Variants in CLSTN1 observed in about 807,000 individuals in gnomAD.
CLSTN1 encodes calsyntenin 1, also known as calsyntenin-1.
A neutral mutation model predicts 108.3 loss-of-function variants in CLSTN1; 28 were observed. The observed-to-expected ratio is 0.26, with a 90% CI of 0.19 to 0.35. The LOEUF is 0.35. Ranked by LOEUF, CLSTN1 falls within the 10% of genes least tolerant of loss-of-function variation. The pLI is 1.00. For synonymous variants in CLSTN1, 524 were observed against 534.9 expected (o/e 0.98, Z 0.28); for missense variants, 1,157 against 1,302.6 (o/e 0.89, Z 1.72).
rs775430059 is a variant in CLSTN1 at position 9,750,715 on chromosome 1, C to CA, written c.649+757dup. Among the ~76,000 whole-genome samples the CA allele has an allele frequency of 8.0e-3, 616 of 77,152 alleles. 7 individuals carry two copies. Among genetic ancestry groups the CA allele is most frequent in the Middle Eastern group, 0.018 (2 of 114 alleles). The allele number at this position is 77,152 out of a possible 152,430, so 50.6% of individuals were successfully genotyped here. ...CGACAGAGCAAGACCTTCCCTCAAA[C>CA]AAAAAAAAAAAAAAAAAAGATGTCA... On this transcript the variant is annotated intron_variant, in intron 5 of 18. Transcript: ENST00000377298.
At chr1:9,772,698 T>G (rs2101159925) in intron 2 of CLSTN1, among the ~76,000 whole-genome samples, 1 of 152,316 alleles carries the variant, frequency 6.6e-6, no homozygotes, top group South Asian at 2.1e-4. Context: ...TGCTACAGGT[T>G]TGTCTCTATA....
chr1:9,806,243 T>C (rs1448386822), intron 1 of CLSTN1, among the ~76,000 whole-genome samples: 1 of 151,918 alleles, frequency 6.6e-6, no homozygotes, highest in Non-Finnish European at 1.5e-5. Context: ...GGGGGGAGGT[T>C]GCAGTGAGCT....
At chr1:9,759,438 G>T (rs1419116307) in intron 2 of CLSTN1, among the ~76,000 whole-genome samples, 1 of 152,108 alleles carries the variant, frequency 6.6e-6, no homozygotes. Context: ...ACCACACCTG[G>T]CTAATTTTTT....
intron 12 of CLSTN1, 97 bp from the exon 13 acceptor site, chr1:9,735,712 G>T (rs1283463573): frequency 2.6e-6 from 4 of 1,534,360 alleles, no homozygotes; most frequent in Non-Finnish European, 2.7e-6. Context: ...GCCTGGGTTC[G>T]ATTTGAATTG....
At chr1:9,783,149 T>C (rs1449622274) in intron 1 of CLSTN1, among the ~76,000 whole-genome samples, 1 of 152,198 alleles carries the variant, frequency 6.6e-6, no homozygotes, top group Non-Finnish European at 1.5e-5. Flanking sequence ...ACACGAACAG[T>C]TCCTTTCCGG....
At chr1:9,738,545 C>G (rs1299344704) in intron 10 of CLSTN1, among the ~76,000 whole-genome samples, 1 of 152,236 alleles carries the variant, frequency 6.6e-6, no homozygotes, top group Non-Finnish European at 1.5e-5. Context: ...CTGCTGCCCA[C>G]AGCCCAAGCT....
rs570352693 is a variant in CLSTN1, at chr1:9,813,509, A to AG, written c.91+10133_91+10134insC. On this transcript the variant is annotated intron_variant, in intron 1 of 18. Transcript: ENST00000377298. ...GCAAGACTCTGTCTCAAAAAAAAAA[A>AG]AAAGAAAGAAAGAAAAAGAAAAACA... is the stretch of plus-strand genomic sequence containing the variant. 4.6e-3 allele frequency among the ~76,000 whole-genome samples: 692 copies of AG among 152,064 alleles called. 2 individuals carry two copies. Among genetic ancestry groups the AG allele is most frequent in the African/African-American group, 0.015 (624 of 41,490 alleles).
intron 1 of CLSTN1, among the ~76,000 whole-genome samples, chr1:9,793,161 C>T (rs750249145): frequency 6.6e-6 from 1 of 151,240 alleles, no homozygotes; most frequent in Non-Finnish European, 1.5e-5. Context: ...TATAAGCACG[C>T]GCCACCACAC....
At chr1:9,815,400 CAACTCA>C (rs1160050092) in intron 1 of CLSTN1, among the ~76,000 whole-genome samples, 1 of 152,126 alleles carries the variant, frequency 6.6e-6, no homozygotes, top group Non-Finnish European at 1.5e-5. Context: ...AAGTTCCTTT[CAACTCA>C]AAGTCTAAAG....
At chr1:9,788,917 C>T (rs961613920) in intron 1 of CLSTN1, among the ~76,000 whole-genome samples, 1 of 150,338 alleles carries the variant, frequency 6.7e-6, no homozygotes, top group African/African-American at 2.4e-5. Context: ...TCTAGTACCT[C>T]ATATGAGTGG....
Position 9,735,871 on chromosome 1 carries a change from G to A in CLSTN1, c.1734+14C>T. The A allele has an allele frequency of 6.2e-7, 1 of 1,613,882 alleles. No individual in the cohort carries two copies. Among genetic ancestry groups the A allele is most frequent in the Non-Finnish European group, 8.5e-7 (1 of 1,179,948 alleles). ...GGGCCCATGAGTGGTGTGCAGTCGA[G>A]CGCTCGGTGTTACCTGCACGCCTCT... is the stretch of plus-strand genomic sequence containing the variant. On this transcript the variant is annotated intron_variant, in intron 12 of 18. Transcript: ENST00000377298.
At chr1:9,804,159 G>A (rs1226470878) in intron 1 of CLSTN1, among the ~76,000 whole-genome samples, 1 of 151,484 alleles carries the variant, frequency 6.6e-6, no homozygotes, top group Admixed American at 6.6e-5. Flanking sequence ...TCAAGAGATC[G>A]AGGCCAGCCT....
At position 9,732,015 on chromosome 1, in the gene CLSTN1, C is replaced by A; in HGVS notation, c.2428-119G>T. ...ACTCAGAGTGGCTCCTGGACCGCAGCTGGGGGCAAACGGAGCTACGGGAAA... is the reference window on the plus strand; with the variant it reads ...ACTCAGAGTGGCTCCTGGACCGCAGATGGGGGCAAACGGAGCTACGGGAAA... On this transcript the variant is annotated intron_variant, in intron 16 of 18. Transcript: ENST00000377298. 2.6e-6 allele frequency: 3 copies of A among 1,148,760 alleles called. No individual in the cohort carries two copies. In the South Asian group the frequency reaches 4.5e-5, roughly 17 times the overall value. 71.2% of individuals were successfully genotyped at this position (1,148,760 alleles called of 1,614,324 possible). A position where few individuals can be genotyped will look rare whatever the true frequency, so the allele number is the denominator to read the frequency against.
At chr1:9,755,416 T>G in intron 3 of CLSTN1, 107 bp from the exon 4 acceptor site, 1 of 977,978 alleles carries the variant, frequency 1.0e-6, no homozygotes, top group Non-Finnish European at 1.5e-6. Flanking sequence ...GACAACAATT[T>G]GGCAGCCAGG....
intron 1 of CLSTN1, among the ~76,000 whole-genome samples, chr1:9,795,032 A>T (rs917343032): frequency 5.3e-5 from 8 of 151,338 alleles, no homozygotes; most frequent in African/African-American, 1.9e-4. Flanking sequence ...AAAAAAAAAA[A>T]AGAAAAAAAA....
At chr1:9,737,867 C>T (rs952414678) in intron 10 of CLSTN1, among the ~76,000 whole-genome samples, 4 of 152,174 alleles carry the variant, frequency 2.6e-5, no homozygotes, top group African/African-American at 4.8e-5. Context: ...CTCCCCAATC[C>T]GTGCTATGAA....
chr1:9,738,152 G>A (rs946611388), intron 10 of CLSTN1, among the ~76,000 whole-genome samples: 2 of 152,338 alleles, frequency 1.3e-5, no homozygotes, highest in South Asian at 4.1e-4. Context: ...GAATGAGAGG[G>A]AGATGCAGAG....
intron 1 of CLSTN1, among the ~76,000 whole-genome samples, chr1:9,786,648 CAA>C (rs36003203): frequency 9.2e-3 from 342 of 37,022 alleles, no homozygotes; most frequent in African/African-American, 0.025. Context: ...GACTCCGTCT[CAA>C]AAAAAAAAAA....
Position 9,733,957 on chromosome 1 carries a change from C to T in CLSTN1, c.2281+15G>A. On this transcript the variant is annotated intron_variant, in intron 15 of 18. Coordinates refer to ENST00000377298, the MANE Select transcript of CLSTN1 (RefSeq NM_001009566.3). The stretch of plus-strand genomic sequence containing the variant: ...GCAGCCTGGCCCACCTGCGTGGCTG[C>T]AGCGCTCCCCTTACCTGTGAAGGTC... 2 of 1,598,592 alleles carry T rather than the reference C, an allele frequency of 1.3e-6. No individual in the cohort carries two copies. The highest frequency in any genetic ancestry group is 1.1e-5 in the South Asian group (1 of 89,744).
Sources: gnomAD v4.1 joint callset for allele counts (sites outside exome capture counted in the v4.1 genomes callset) on GRCh38, gnomAD v4.1.1 for gene constraint, MANE v1.5 for transcripts, NCBI Gene and HGNC (gene_info 2026-07-23, HGNC 2026-07-21) for gene names.